The following NPIPA3 variants were observed in gnomAD, a reference collection of about 807,000 sequenced individuals.
NPIPA3 encodes the protein nuclear pore complex-interacting protein family member A3.
A neutral mutation model predicts 1.4 loss-of-function variants in NPIPA3; 1 was observed. That is an observed-to-expected ratio of 0.73 (90% CI 0.26 to 3.47). The LOEUF (loss-of-function observed/expected upper bound fraction) is 3.47. Ranked by LOEUF, NPIPA3 falls within the 30% of genes most tolerant of loss-of-function variation. The pLI is 0.19.
At chr16:14,722,136 T>C (rs1325428416) in intron 4 of NPIPA3, among the ~76,000 whole-genome samples, 2 of 15,738 alleles carry the variant, frequency 1.3e-4, no homozygotes, top group African/African-American at 1.7e-4. Context: ...CTCATTTGCA[T>C]TAAACTGTGA....
chr16:14,719,471 T>TTGTGTGTGTGTG (rs1238073380), intron 2 of NPIPA3, among the ~76,000 whole-genome samples: 5 of 12,754 alleles, frequency 3.9e-4, no homozygotes, highest in African/African-American at 6.6e-4. Context: ...ATGTCATTCT[T>TTGTGTGTGTGTG]TGTGTGTGTG....
rs1286932484 is a variant in NPIPA3 at position 14,718,951 on chromosome 16, T to G, written c.250-876T>G. 1.5e-4 allele frequency among the ~76,000 whole-genome samples: 5 copies of G among 34,320 alleles called. No individual in the cohort carries two copies. In the East Asian group the frequency reaches 3.1e-3, roughly 21 times the overall value. 22.5% of individuals were successfully genotyped at this position (34,320 alleles called of 152,430 possible). A position where few individuals can be genotyped will look rare whatever the true frequency, so the allele number is the denominator to read the frequency against. ...TTGGCTCACTGCACCCTCTGCCTCC[T>G]GGGTTCAAGCAGTTCTCCTGCCTCA... On this transcript the variant is annotated intron_variant, in intron 2 of 7. Transcript: ENST00000531598.
intron 1 of NPIPA3, among the ~76,000 whole-genome samples, chr16:14,712,989 C>CT (rs568988591): frequency 1.0e-4 from 10 of 97,112 alleles, no homozygotes; most frequent in African/African-American, 3.5e-4. Flanking sequence ...GGTTTGATGA[C>CT]TTTTTTTTGT....
chr16:14,722,418 C>T (rs1315216594), intron 4 of NPIPA3, among the ~76,000 whole-genome samples: 2 of 31,476 alleles, frequency 6.4e-5, no homozygotes, highest in African/African-American at 1.0e-4. Flanking sequence ...AGCAAACTTA[C>T]CCTTTTGAGG....
chr16:14,719,571 C>T (rs1961530857), intron 2 of NPIPA3, among the ~76,000 whole-genome samples: 1 of 5,758 alleles, frequency 1.7e-4, no homozygotes, highest in Non-Finnish European at 9.8e-4. Flanking sequence ...GGTGTGATCT[C>T]GGCTCACTGC....
chr16:14,713,245 G>C (rs1476968470), intron 1 of NPIPA3, among the ~76,000 whole-genome samples: 1 of 150,288 alleles, frequency 6.7e-6, no homozygotes, highest in Non-Finnish European at 1.5e-5. Context: ...TCCCAGTGCT[G>C]GGATTACAGG....
intron 2 of NPIPA3, among the ~76,000 whole-genome samples, chr16:14,719,158 A>AT (rs1179696579): frequency 0.037 from 117 of 3,200 alleles, 2 homozygotes; most frequent in East Asian, 0.051. Flanking sequence ...CACCTGGCCT[A>AT]TTTTTTTTTT....
intron 4 of NPIPA3, among the ~76,000 whole-genome samples, chr16:14,722,297 C>T (rs1319355943): frequency 3.9e-4 from 23 of 58,394 alleles, no homozygotes; most frequent in African/African-American, 8.0e-4. Flanking sequence ...GAAGTGTTTT[C>T]GTCTCTGTTT....
chr16:14,723,849 G>GT (rs1225754381), intron 5 of NPIPA3, among the ~76,000 whole-genome samples: 3 of 24,410 alleles, frequency 1.2e-4, no homozygotes, highest in East Asian at 7.6e-4. Context: ...AGACTGTACA[G>GT]TTTTTTTTGT....
chr16:14,709,959 T>C (rs1282661891), intron 1 of NPIPA3, among the ~76,000 whole-genome samples: 2 of 39,138 alleles, frequency 5.1e-5, no homozygotes, highest in African/African-American at 1.6e-4. Flanking sequence ...TGATCTTTTA[T>C]TTTTGAGATT....
intron 4 of NPIPA3, among the ~76,000 whole-genome samples, chr16:14,722,366 C>T (rs1182387539): frequency 3.9e-5 from 2 of 50,784 alleles, no homozygotes; most frequent in African/African-American, 7.6e-5. Flanking sequence ...AGGTGAGATC[C>T]TTAGGATCAG....
At chr16:14,722,564 T>C (rs1328160063) in intron 4 of NPIPA3, among the ~76,000 whole-genome samples, 1 of 13,434 alleles carries the variant, frequency 7.4e-5, no homozygotes. Context: ...CGATCATTTC[T>C]AATTCAATAG....
intron 1 of NPIPA3, among the ~76,000 whole-genome samples, chr16:14,712,394 T>TC (rs1192693403): frequency 3.3e-3 from 3 of 914 alleles, no homozygotes; most frequent in African/African-American, 7.4e-3. Flanking sequence ...TCCCCTTCCC[T>TC]CCCCCCTGCC....
At chr16:14,719,542 G>A (rs1334016506) in intron 2 of NPIPA3, among the ~76,000 whole-genome samples, 9 of 8,498 alleles carry the variant, frequency 1.1e-3, no homozygotes, top group Admixed American at 5.5e-3. Flanking sequence ...TCATTCTGTC[G>A]CTCAGGCTGG....
chr16:14,718,927 T>C (rs1373504867), intron 2 of NPIPA3, among the ~76,000 whole-genome samples: 30 of 59,478 alleles, frequency 5.0e-4, no homozygotes, highest in African/African-American at 1.4e-3. Flanking sequence ...GGTGGGATCT[T>C]GGCTCACTGC....
rs1487641402 is a variant in NPIPA3, at chr16:14,718,829, C to T, written c.250-998C>T. Among the ~76,000 whole-genome samples, 6 of 82,726 alleles carry T rather than the reference C, an allele frequency of 7.3e-5. No individual in the cohort carries two copies. In the East Asian group the frequency reaches 1.7e-3, roughly 23 times the overall value. 54.3% of individuals were successfully genotyped at this position (82,726 alleles called of 152,430 possible). ...TCTAACCGTGTTGAAGTGTACAGTT[C>T]AGTTGTGTGAAGTATATTCATGTCA... On this transcript the variant is annotated intron_variant, in intron 2 of 7. Transcript: ENST00000531598.
intron 4 of NPIPA3, among the ~76,000 whole-genome samples, chr16:14,722,554 C>T (rs62037506): frequency 9.2e-4 from 13 of 14,082 alleles, no homozygotes; most frequent in African/African-American, 1.1e-3. Context: ...GGAGCCATTC[C>T]GATCATTTCT....
intron 4 of NPIPA3, among the ~76,000 whole-genome samples, chr16:14,722,233 G>C (rs2151862665): frequency 2.0e-5 from 1 of 50,600 alleles, no homozygotes; most frequent in East Asian, 6.2e-4. Flanking sequence ...ACTCCAGACA[G>C]CATGTGCTGA....
intron 2 of NPIPA3, among the ~76,000 whole-genome samples, chr16:14,719,471 T>TTGTGTGTGTG (rs1238073380): frequency 3.5e-3 from 45 of 12,724 alleles, no homozygotes; most frequent in African/African-American, 6.0e-3. Flanking sequence ...ATGTCATTCT[T>TTGTGTGTGTG]TGTGTGTGTG....
Sources: gnomAD v4.1 joint callset for allele counts (sites outside exome capture counted in the v4.1 genomes callset) on GRCh38, gnomAD v4.1.1 for gene constraint, MANE v1.5 for transcripts, NCBI Gene and HGNC (gene_info 2026-07-23, HGNC 2026-07-21) for gene names.